ARMH3: variants seen among roughly 807,000 people sequenced by gnomAD.
The protein encoded by ARMH3 is armadillo-like helical domain-containing protein 3.
A neutral mutation model predicts 99.1 loss-of-function variants in ARMH3; 60 were observed. The observed-to-expected ratio is 0.61, with a 90% confidence interval of 0.49 to 0.75. ARMH3 has a LOEUF of 0.75. Ranked by LOEUF, ARMH3 falls within the 30% of genes least tolerant of loss-of-function variation. ARMH3 has a pLI of 0.00. For missense variants in ARMH3, 679 were observed against 843.1 expected (o/e 0.81, Z 2.41); for synonymous variants, 285 against 292.8 (o/e 0.97, Z 0.27).
chr10:101,947,834 A>G (rs913455068), intron 22 of ARMH3, among the ~76,000 whole-genome samples: 3 of 150,450 alleles, frequency 2.0e-5, no homozygotes, highest in Admixed American at 1.3e-4. Context: ...TAAATAAATA[A>G]ATAGACCCTA....
At chr10:101,979,381 T>C (rs906924326) in intron 19 of ARMH3, among the ~76,000 whole-genome samples, 1 of 152,236 alleles carries the variant, frequency 6.6e-6, no homozygotes. Context: ...AATCCACATA[T>C]TCTATTATTT....
intron 20 of ARMH3, among the ~76,000 whole-genome samples, chr10:101,961,180 C>T (rs1257887782): frequency 6.6e-6 from 1 of 152,178 alleles, no homozygotes; most frequent in Non-Finnish European, 1.5e-5. Flanking sequence ...AAAAAGACTC[C>T]CAGAAGCTTT....
intron 1 of ARMH3, among the ~76,000 whole-genome samples, chr10:102,047,172 C>A (rs886916017): frequency 6.6e-6 from 1 of 152,048 alleles, no homozygotes; most frequent in African/African-American, 2.4e-5. Flanking sequence ...ATGTCCACTA[C>A]AGGATTTAAT....
intron 24 of ARMH3, among the ~76,000 whole-genome samples, chr10:101,870,083 A>G (rs1326832572): frequency 2.6e-5 from 4 of 152,200 alleles, no homozygotes; most frequent in Admixed American, 2.0e-4. Flanking sequence ...CTAAAAGCTA[A>G]TTCTTTGAAA....
intron 24 of ARMH3, among the ~76,000 whole-genome samples, chr10:101,879,015 C>T (rs1423778408): frequency 2.6e-5 from 4 of 152,178 alleles, no homozygotes; most frequent in Non-Finnish European, 5.9e-5. Flanking sequence ...GGCACAGTCC[C>T]CAGACGCCTC....
intron 8 of ARMH3, 23 bp downstream of exon 8, chr10:102,023,454 T>G: frequency 6.3e-7 from 1 of 1,596,454 alleles, no homozygotes. Flanking sequence ...AGATAACAAC[T>G]GTCCACTAAG....
At chr10:101,883,434 G>A (rs1463414703) in intron 24 of ARMH3, among the ~76,000 whole-genome samples, 6 of 151,858 alleles carry the variant, frequency 4.0e-5, no homozygotes, top group Admixed American at 3.9e-4. Flanking sequence ...AATAATAAAA[G>A]TAAGAATAGA....
chr10:101,956,600 T>C lies in ARMH3; in HGVS notation c.1702A>G (p.Met568Val). 1.2e-6 allele frequency: 2 copies of C among 1,612,162 alleles called. No individual in the cohort carries two copies. Among genetic ancestry groups the C allele is most frequent in the South Asian group, 2.2e-5 (2 of 90,900 alleles). ...GTAAAAAGAAAAGGCAGCTTACCCATGGAGTAGAGGTTGTCAAAGCTCTGG... is the reference window on the plus strand; with the variant it reads ...GTAAAAAGAAAAGGCAGCTTACCCACGGAGTAGAGGTTGTCAAAGCTCTGG... The part of the protein sequence containing the change: ...MHQSFDNLYS[M>V]VLRLSTNAGQ... The change falls in exon 22 of 26, where the codon ATG (methionine) becomes GTG (valine). Residue 568 changes from methionine to valine, a missense_variant. Around this residue, in one of 3 missense-constraint regions of ARMH3, gnomAD observed 389 missense variants for 456.5 expected, o/e 0.85. Transcript: ENST00000370033.
In ARMH3 at chr10:101,917,003, C is replaced by T. The variant is rs1843117650; in HGVS notation, c.1781+22860G>A. Among the ~76,000 whole-genome samples the T allele has an allele frequency of 2.6e-5, 4 of 152,278 alleles. No homozygotes were observed. In the South Asian group the frequency reaches 8.3e-4, roughly 32 times the overall value. ...AATTGGAAGCCTACAGCATCAGCTC[C>T]CTGATTCTACAGCTTGCAGACAGCA... is the stretch of plus-strand genomic sequence containing the variant. On this transcript the variant is annotated intron_variant, in intron 23 of 25. Coordinates refer to ENST00000370033, the MANE Select transcript of ARMH3 (RefSeq NM_024541.3).
intron 1 of ARMH3, among the ~76,000 whole-genome samples, chr10:102,053,845 A>G (rs1306086695): frequency 1.3e-5 from 2 of 151,900 alleles, no homozygotes; most frequent in East Asian, 3.9e-4. Context: ...TTTTTAGTAG[A>G]GACGGGGTTT....
intron 1 of ARMH3, among the ~76,000 whole-genome samples, chr10:102,055,670 C>G (rs1347649004): frequency 1.3e-5 from 2 of 152,226 alleles, no homozygotes; most frequent in Non-Finnish European, 2.9e-5. Flanking sequence ...CCGCTTTCCT[C>G]TATCCCTGAG....
intron 19 of ARMH3, among the ~76,000 whole-genome samples, chr10:101,989,434 T>C (rs936400958): frequency 1.3e-5 from 2 of 151,922 alleles, no homozygotes; most frequent in Non-Finnish European, 2.9e-5. Context: ...AGAATTGTGA[T>C]GGTCGGCCAG....
At chr10:101,968,853 A>G (rs1266242766) in intron 20 of ARMH3, among the ~76,000 whole-genome samples, 2 of 152,202 alleles carry the variant, frequency 1.3e-5, no homozygotes, top group African/African-American at 2.4e-5. Context: ...GCTGTAGACA[A>G]TATTTCATAA....
chr10:101,881,933 T>C (rs1455282803), intron 24 of ARMH3, among the ~76,000 whole-genome samples: 1 of 152,204 alleles, frequency 6.6e-6, no homozygotes, highest in Non-Finnish European at 1.5e-5. Flanking sequence ...CGTATGGCCT[T>C]TTCTGACCAC....
chr10:101,886,843 C>G (rs182491992), intron 24 of ARMH3, among the ~76,000 whole-genome samples: 1 of 152,186 alleles, frequency 6.6e-6, no homozygotes, highest in Non-Finnish European at 1.5e-5. Context: ...TGCTAACTTA[C>G]TAAATGTAAC....
intron 20 of ARMH3, among the ~76,000 whole-genome samples, chr10:101,960,397 T>C (rs1184726648): frequency 6.6e-6 from 1 of 152,192 alleles, no homozygotes; most frequent in East Asian, 1.9e-4. Flanking sequence ...CCTGATATGA[T>C]GGGAGTTTTA....
At chr10:101,864,126 AAAG>A (rs2066942812) in intron 24 of ARMH3, among the ~76,000 whole-genome samples, 1 of 151,896 alleles carries the variant, frequency 6.6e-6, no homozygotes, top group South Asian at 2.1e-4. Context: ...ACAATTCTCA[AAAG>A]AAGACACATG....
At chr10:102,003,922 C>T (rs1450405359) in intron 14 of ARMH3, among the ~76,000 whole-genome samples, 1 of 152,092 alleles carries the variant, frequency 6.6e-6, no homozygotes, top group Non-Finnish European at 1.5e-5. Context: ...GGGTTAATGA[C>T]CCAAGACTGT....
intron 24 of ARMH3, among the ~76,000 whole-genome samples, chr10:101,878,329 A>G (rs1450668153): frequency 6.6e-6 from 1 of 152,142 alleles, no homozygotes; most frequent in Non-Finnish European, 1.5e-5. Flanking sequence ...TTATCTACCA[A>G]AATAAGTAAG....
Sources: allele counts gnomAD v4.1 joint callset (sites outside exome capture counted in the v4.1 genomes callset), GRCh38; gene constraint gnomAD v4.1.1; regional missense constraint gnomAD v4.1.1; transcripts MANE v1.5; gene names NCBI Gene and HGNC (gene_info 2026-07-23, HGNC 2026-07-21).